ADGRV1: variants seen among roughly 807,000 people sequenced by gnomAD.
ADGRV1 encodes adhesion G protein-coupled receptor V1.
A neutral mutation model predicts 596.2 loss-of-function variants in ADGRV1; 359 were observed. The ratio of observed to expected loss-of-function variants is 0.60; its 90% CI spans 0.55 to 0.66. ADGRV1 has a LOEUF of 0.66. Among genes scored for constraint, ADGRV1 ranks in the 30% least tolerant of loss-of-function variants. ADGRV1 has a pLI of 0.00. For synonymous variants in ADGRV1, 2,681 were observed against 2,679.2 expected (o/e 1.00, Z -0.02); for missense variants, 7,274 against 7,575.6 (o/e 0.96, Z 1.48).
chr5:90,729,849 T>C, intron 50 of ADGRV1, 85 bp downstream of exon 50: 1 of 1,367,776 alleles, frequency 7.3e-7, no homozygotes. Flanking sequence ...AGATTTAGTA[T>C]CACATTGCCA....
chr5:90,642,180 C>T (rs1250895234), intron 11 of ADGRV1, among the ~76,000 whole-genome samples: 6 of 152,080 alleles, frequency 3.9e-5, no homozygotes, highest in Admixed American at 3.9e-4. Context: ...GTGCTCTATT[C>T]AGTTAGTATA....
intron 78 of ADGRV1, among the ~76,000 whole-genome samples, chr5:90,845,059 C>T (rs970368495): frequency 6.6e-6 from 1 of 151,994 alleles, no homozygotes; most frequent in African/African-American, 2.4e-5. Context: ...ATTTCATGCT[C>T]GAGGTAATTT....
intron 1 of ADGRV1, among the ~76,000 whole-genome samples, chr5:90,612,902 A>G (rs998236243): frequency 1.3e-5 from 2 of 152,120 alleles, no homozygotes; most frequent in Non-Finnish European, 2.9e-5. Context: ...AAAGTGAATT[A>G]TACCAAGGAT....
At position 90,668,332 on chromosome 5, in the gene ADGRV1, G is replaced by A. The variant is rs1397146642; in HGVS notation, c.4753-4214G>A. Among the ~76,000 whole-genome samples the A allele has an allele frequency of 6.0e-5, 9 of 150,166 alleles. No individual in the cohort carries two copies. The East Asian group carries it at 1.4e-3, about 23-fold the overall frequency. On this transcript the variant is annotated intron_variant, in intron 21 of 89. Transcript: ENST00000405460. ...TCGTGGTGCGCCGTTTTTTAAGCCC[G>A]TCGGAAAAGTGCAGTATTCTGGTGG... is the stretch of plus-strand genomic sequence containing the variant.
At chr5:91,101,900 G>T (rs1791414906) in intron 86 of ADGRV1, among the ~76,000 whole-genome samples, 1 of 152,146 alleles carries the variant, frequency 6.6e-6, no homozygotes, top group African/African-American at 2.4e-5. Flanking sequence ...TTTTCTGGTG[G>T]AACAGTCTTT....
chr5:90,754,710 CAT>C (rs1294263454), intron 54 of ADGRV1, among the ~76,000 whole-genome samples: 1 of 152,092 alleles, frequency 6.6e-6, no homozygotes, highest in Non-Finnish European at 1.5e-5. Context: ...AAGTGTATGA[CAT>C]GTGCAACATA....
At chr5:90,648,634 T>C (rs1768144694) in intron 17 of ADGRV1, among the ~76,000 whole-genome samples, 1 of 152,214 alleles carries the variant, frequency 6.6e-6, no homozygotes, top group African/African-American at 2.4e-5. Flanking sequence ...ATTATTGTTT[T>C]AGCTGTGTCT....
chr5:90,599,669 C>G (rs544686633), intron 1 of ADGRV1, among the ~76,000 whole-genome samples: 2 of 152,104 alleles, frequency 1.3e-5, no homozygotes, highest in South Asian at 4.2e-4. Context: ...AGCCCAATCT[C>G]AGAGATTTTT....
chr5:90,684,131 G>A lies in ADGRV1; in HGVS notation c.6210G>A (p.Arg2070=), dbSNP rs1265243323. 1 of 1,613,676 alleles carries A rather than the reference G, an allele frequency of 6.2e-7. No homozygotes were observed. The highest frequency in any genetic ancestry group is 8.5e-7 in the Non-Finnish European group (1 of 1,179,852). Residue 2070 remains arginine, a synonymous_variant, in exon 28 of 90, where the codon AGG becomes AGA. Transcript: ENST00000405460. ...ISILDDDEPE[R]SESVFIELLN... The stretch of plus-strand genomic sequence containing the variant: ...TTTTGGATGATGATGAGCCAGAAAG[G>A]TCCGAATCTGTCTTTATCGAACTAC...
intron 77 of ADGRV1, among the ~76,000 whole-genome samples, chr5:90,839,190 C>G (rs1330355911): frequency 1.3e-5 from 2 of 151,954 alleles, no homozygotes; most frequent in Non-Finnish European, 2.9e-5. Context: ...TCCTATCTAC[C>G]TCTCTGTTTT....
chr5:91,072,681 T>A, intron 86 of ADGRV1, 77 bp downstream of exon 86: 1 of 1,474,104 alleles, frequency 6.8e-7, no homozygotes, highest in South Asian at 1.3e-5. Context: ...ATTTTTTTTA[T>A]CAAAAAGAGG....
chr5:90,976,124 T>C (rs908846754), intron 84 of ADGRV1, among the ~76,000 whole-genome samples: 1 of 151,294 alleles, frequency 6.6e-6, no homozygotes, highest in Admixed American at 6.6e-5. Flanking sequence ...AACACTACTG[T>C]TTTCCTGTGT....
rs990088092 is a variant in ADGRV1 at position 90,705,421 on chromosome 5, C to A, written c.8408C>A (p.Ala2803Asp). 1 of 1,613,632 alleles carries A rather than the reference C, an allele frequency of 6.2e-7. No homozygotes were observed. The highest frequency in any genetic ancestry group is 8.5e-7 in the Non-Finnish European group (1 of 1,179,746). The change falls in exon 37 of 90, where the codon GCC becomes GAC. Residue 2803 changes from alanine (A) to aspartate (D), a missense_variant. Ala to Asp is a moderately radical substitution (Grantham distance 126). Transcript: ENST00000405460. Reference protein sequence around the residue: ...RTQGVPPAGIALLDAQGYAAV... With the variant: ...RTQGVPPAGIDLLDAQGYAAV... Reference sequence around the variant, plus strand: ...TTAGGAGTTCCACCAGCCGGAATCGCCCTGCTTGATGCTCAAGGATATGCA... The same window carrying A: ...TTAGGAGTTCCACCAGCCGGAATCGACCTGCTTGATGCTCAAGGATATGCA...
In ADGRV1 at chr5:90,966,041, A is replaced by T. The variant is rs531986456; in HGVS notation, c.17973+510A>T. ...AGTGGACTGTTTTGGAGATTTTTTT[A>T]AGCTAGAACTATAGGATGTGAAGAC... On this transcript the variant is annotated intron_variant, in intron 84 of 89. Transcript: ENST00000405460. Among the ~76,000 whole-genome samples the T allele has an allele frequency of 2.8e-4, 43 of 152,252 alleles. 1 individual carries two copies. In the South Asian group the frequency reaches 8.9e-3, roughly 32 times the overall value.
At chr5:90,563,261 A>G (rs1482751691) in intron 1 of ADGRV1, among the ~76,000 whole-genome samples, 1 of 152,222 alleles carries the variant, frequency 6.6e-6, no homozygotes, top group Admixed American at 6.5e-5. Flanking sequence ...CAACTAGCCA[A>G]TTTGGTTACA....
At chr5:91,130,994 C>A (rs115489279) in intron 87 of ADGRV1, among the ~76,000 whole-genome samples, 1 of 152,182 alleles carries the variant, frequency 6.6e-6, no homozygotes, top group South Asian at 2.1e-4. Context: ...ATATATGTAC[C>A]ACATTTTTCT....
At chr5:90,788,714 C>G (rs1399473559) in intron 68 of ADGRV1, among the ~76,000 whole-genome samples, 1 of 152,036 alleles carries the variant, frequency 6.6e-6, no homozygotes, top group Non-Finnish European at 1.5e-5. Flanking sequence ...TTAGTTAAGG[C>G]AAAAAGTGCT....
At chr5:91,155,358 A>G (rs1796391896) in intron 89 of ADGRV1, among the ~76,000 whole-genome samples, 1 of 152,166 alleles carries the variant, frequency 6.6e-6, no homozygotes, top group Admixed American at 6.5e-5. Flanking sequence ...GGCCTGTTTT[A>G]GAACCAGTGC....
At chr5:90,948,563 A>G (rs1776792737) in intron 83 of ADGRV1, among the ~76,000 whole-genome samples, 1 of 152,090 alleles carries the variant, frequency 6.6e-6, no homozygotes, top group Non-Finnish European at 1.5e-5. Flanking sequence ...CCCAAGAGAA[A>G]TGTCCCATAG....
Sources: allele counts gnomAD v4.1 joint callset (sites outside exome capture counted in the v4.1 genomes callset), GRCh38; gene constraint gnomAD v4.1.1; transcripts MANE v1.5; gene names NCBI Gene and HGNC (gene_info 2026-07-23, HGNC 2026-07-21).